The following DACH1 variants were observed in gnomAD, a reference collection of about 807,000 sequenced individuals.
The protein encoded by DACH1 is dachshund homolog 1.
In DACH1, 12 loss-of-function variants were observed where a neutral mutation model predicts 54.2. The ratio of observed to expected loss-of-function variants is 0.22; its 90% CI spans 0.14 to 0.36. DACH1 has a LOEUF of 0.36. Among genes scored for constraint, DACH1 ranks in the 10% least tolerant of loss-of-function variants. DACH1 has a pLI of 1.00. For synonymous variants in DACH1, 386 were observed against 366.2 expected (o/e 1.05, Z -0.62); for missense variants, 805 against 929.8 (o/e 0.87, Z 1.75).
At chr13:71,778,200 T>C (rs1358769464) in intron 1 of DACH1, among the ~76,000 whole-genome samples, 1 of 151,954 alleles carries the variant, frequency 6.6e-6, no homozygotes, top group African/African-American at 2.4e-5. Flanking sequence ...TTTCTCTCAA[T>C]TTACAAAAGA....
chr13:71,484,730 A>G (rs1878335418), intron 7 of DACH1, among the ~76,000 whole-genome samples: 1 of 152,202 alleles, frequency 6.6e-6, no homozygotes, highest in South Asian at 2.1e-4. Flanking sequence ...AACAAAGTAA[A>G]TAATTTGTTC....
chr13:71,626,517 A>G (rs910755041), intron 3 of DACH1, among the ~76,000 whole-genome samples: 1 of 151,440 alleles, frequency 6.6e-6, no homozygotes, highest in Non-Finnish European at 1.5e-5. Flanking sequence ...TCCTTAAAGC[A>G]AAAAAAATAG....
intron 1 of DACH1, among the ~76,000 whole-genome samples, chr13:71,797,785 C>T (rs1887117600): frequency 1.3e-5 from 2 of 152,082 alleles, no homozygotes; most frequent in African/African-American, 4.8e-5. Flanking sequence ...CATCATTGCT[C>T]ATTTTACCGA....
intron 1 of DACH1, among the ~76,000 whole-genome samples, chr13:71,822,504 A>C (rs766111672): frequency 6.6e-6 from 1 of 152,170 alleles, no homozygotes; most frequent in Non-Finnish European, 1.5e-5. Context: ...TGTTGAACAC[A>C]CTGCATGTTT....
chr13:71,501,020 T>C (rs894848520), intron 6 of DACH1, among the ~76,000 whole-genome samples: 6 of 152,120 alleles, frequency 3.9e-5, no homozygotes, highest in Non-Finnish European at 8.8e-5. Context: ...TCAACTGAAA[T>C]TGTCAATCAA....
intron 1 of DACH1, among the ~76,000 whole-genome samples, chr13:71,796,658 T>C (rs1452545934): frequency 5.9e-5 from 9 of 152,032 alleles, no homozygotes; most frequent in Non-Finnish European, 1.2e-4. Context: ...AGGCCTATGA[T>C]AGGAAATCAC....
chr13:71,482,229 T>C (rs888605203), intron 7 of DACH1, among the ~76,000 whole-genome samples: 6 of 152,218 alleles, frequency 3.9e-5, no homozygotes, highest in African/African-American at 1.2e-4. Flanking sequence ...TTTTTAGAGA[T>C]TGAGTTTTTT....
At chr13:71,719,363 C>T (rs1039097862) in intron 1 of DACH1, among the ~76,000 whole-genome samples, 8 of 152,152 alleles carry the variant, frequency 5.3e-5, no homozygotes, top group Non-Finnish European at 1.0e-4. Context: ...CCATGTCTTA[C>T]TGTAGCATGT....
At chr13:71,703,749 C>T (rs1882283308) in intron 1 of DACH1, among the ~76,000 whole-genome samples, 1 of 152,126 alleles carries the variant, frequency 6.6e-6, no homozygotes, top group Non-Finnish European at 1.5e-5. Context: ...AGCAAATCTG[C>T]TCCTTCAAGT....
At chr13:71,749,570 T>C (rs1884831366) in intron 1 of DACH1, among the ~76,000 whole-genome samples, 1 of 152,160 alleles carries the variant, frequency 6.6e-6, no homozygotes, top group Non-Finnish European at 1.5e-5. Context: ...TAATTATTAT[T>C]ACTAATATTT....
chr13:71,554,907 A>G (rs1228678847), intron 6 of DACH1, among the ~76,000 whole-genome samples: 1 of 152,214 alleles, frequency 6.6e-6, no homozygotes. Context: ...TATGAAAAAT[A>G]TAGGTCAATT....
intron 10 of DACH1, among the ~76,000 whole-genome samples, chr13:71,444,280 T>C (rs1874257976): frequency 6.6e-6 from 1 of 152,034 alleles, no homozygotes; most frequent in Admixed American, 6.6e-5. Flanking sequence ...AAAGATGGAG[T>C]GTTGATACTT....
At chr13:71,811,376 A>G (rs1887701931) in intron 1 of DACH1, among the ~76,000 whole-genome samples, 1 of 152,182 alleles carries the variant, frequency 6.6e-6, no homozygotes, top group African/African-American at 2.4e-5. Context: ...TTTAAAATAG[A>G]TTTTCATGAA....
chr13:71,452,654 C>T (rs1269540484), intron 10 of DACH1, among the ~76,000 whole-genome samples: 1 of 152,098 alleles, frequency 6.6e-6, no homozygotes, highest in Non-Finnish European at 1.5e-5. Flanking sequence ...AGGTAGAAAA[C>T]AAATGGTTCA....
chr13:71,463,186 G>A (rs560849083), intron 10 of DACH1, among the ~76,000 whole-genome samples: 6 of 151,864 alleles, frequency 4.0e-5, no homozygotes, highest in Non-Finnish European at 8.8e-5. Flanking sequence ...ATACATTATC[G>A]ATATTAGTAA....
At chr13:71,841,021 G>A (rs970375969) in intron 1 of DACH1, among the ~76,000 whole-genome samples, 1 of 152,160 alleles carries the variant, frequency 6.6e-6, no homozygotes. Context: ...TTTAGAAGAA[G>A]CCTAAATAGG....
chr13:71,728,091 C>T (rs1216719152), intron 1 of DACH1, among the ~76,000 whole-genome samples: 3 of 152,004 alleles, frequency 2.0e-5, no homozygotes, highest in Non-Finnish European at 4.4e-5. Context: ...AAAATCTCTG[C>T]TCCTGAAAAC....
intron 1 of DACH1, among the ~76,000 whole-genome samples, chr13:71,798,323 C>CAT (rs35310464): frequency 0.047 from 4,485 of 95,814 alleles, 111 homozygotes; most frequent in Middle Eastern, 0.08. Flanking sequence ...TTGTTACATA[C>CAT]ATATATATAT....
At chr13:71,744,464 G>A (rs1884525551) in intron 1 of DACH1, among the ~76,000 whole-genome samples, 1 of 152,184 alleles carries the variant, frequency 6.6e-6, no homozygotes, top group South Asian at 2.1e-4. Flanking sequence ...GAGGACGGTA[G>A]AGCCAGAAGT....
Sources: gnomAD v4.1 joint callset for allele counts (sites outside exome capture counted in the v4.1 genomes callset) on GRCh38, gnomAD v4.1.1 for gene constraint, MANE v1.5 for transcripts, NCBI Gene and HGNC (gene_info 2026-07-23, HGNC 2026-07-21) for gene names.